Variants in VLDLR observed in about 807,000 individuals in gnomAD.
VLDLR encodes very low-density lipoprotein receptor.
A neutral mutation model predicts 112.7 loss-of-function variants in VLDLR; 81 were observed. That is an observed-to-expected ratio of 0.72 (90% CI 0.60 to 0.86). The LOEUF (loss-of-function observed/expected upper bound fraction) is 0.86. Among genes scored for constraint, VLDLR ranks in the 40% least tolerant of loss-of-function variants. VLDLR has a pLI of 0.00. For synonymous variants in VLDLR, 436 were observed against 384.8 expected, an observed-to-expected ratio of 1.13 and a Z score of -1.56; for missense variants, 1,237 against 1,099.4, an observed-to-expected ratio of 1.13 and a Z score of -1.77.
chr9:2,646,624 A>G (rs1362077293), intron 11 of VLDLR, 72 bp downstream of exon 11: 1 of 1,352,518 alleles, frequency 7.4e-7, no homozygotes, highest in Non-Finnish European at 1.0e-6. Context: ...TCATACCTGA[A>G]TTAGTACTCA....
chr9:2,650,263 T>C, intron 14 of VLDLR, 107 bp from the exon 15 acceptor site: 1 of 1,411,996 alleles, frequency 7.1e-7, no homozygotes, highest in Non-Finnish European at 9.9e-7. Context: ...AGTAGACAAG[T>C]TTAAGCTCTT....
At chr9:2,641,076 C>G (rs1817800103) in intron 3 of VLDLR, among the ~76,000 whole-genome samples, 1 of 152,164 alleles carries the variant, frequency 6.6e-6, no homozygotes, top group Non-Finnish European at 1.5e-5. Flanking sequence ...GGTCTAGGAG[C>G]AGGCCAGCCA....
At position 2,658,526 on chromosome 9, in the gene VLDLR, A is replaced by G. The variant is rs1028071863; in HGVS notation, c.*4658A>G. 2 of 152,186 alleles carry G rather than the reference A, an allele frequency of 1.3e-5. No homozygotes were observed. Among genetic ancestry groups the G allele is most frequent in the African/African-American group, 4.8e-5 (2 of 41,444 alleles). The allele number at this position is 152,186 out of a possible 1,614,324, so 9.4% of individuals were successfully genotyped here. On this transcript the variant is annotated 3_prime_UTR_variant, in exon 19 of 19. Coordinates refer to ENST00000382100, the MANE Select transcript of VLDLR (RefSeq NM_003383.5). ...CAAGGAAAAAGTCAGATGGGTGACA[A>G]GGTGGTTCTGTTTAGAAGCAGCAGG...
intron 7 of VLDLR, 130 bp from the exon 8 acceptor site, chr9:2,644,604 A>T (rs897828132): frequency 2.6e-6 from 3 of 1,149,294 alleles, no homozygotes; most frequent in Non-Finnish European, 3.8e-6. Flanking sequence ...AAAATAAATG[A>T]TTAGGTCTTA....
chr9:2,650,151 G>A (rs1818256810), intron 14 of VLDLR, among the ~76,000 whole-genome samples: 1 of 152,114 alleles, frequency 6.6e-6, no homozygotes, highest in Non-Finnish European at 1.5e-5. Context: ...AACTTTTACA[G>A]TCTATCTCGA....
intron 2 of VLDLR, among the ~76,000 whole-genome samples, chr9:2,638,168 T>A (rs1817678146): frequency 6.6e-6 from 1 of 152,190 alleles, no homozygotes. Context: ...TTTCAGTGAT[T>A]TTAGAAACAG....
chr9:2,627,443 T>A (rs1354205284), intron 1 of VLDLR, among the ~76,000 whole-genome samples: 1 of 152,186 alleles, frequency 6.6e-6, no homozygotes, highest in Admixed American at 6.5e-5. Context: ...CTTTACCAGT[T>A]AGCCGCTGCT....
At chr9:2,632,601 C>T (rs963181964) in intron 1 of VLDLR, among the ~76,000 whole-genome samples, 1 of 152,188 alleles carries the variant, frequency 6.6e-6, no homozygotes, top group African/African-American at 2.4e-5. Flanking sequence ...AACCAAAAGC[C>T]TCTTAACTCA....
chr9:2,622,680 G>A (rs1171576939), intron 1 of VLDLR, among the ~76,000 whole-genome samples: 1 of 152,230 alleles, frequency 6.6e-6, no homozygotes, highest in Non-Finnish European at 1.5e-5. Context: ...GCAGCCTCGG[G>A]CGCACCCTCG....
intron 13 of VLDLR, 60 bp from the exon 14 acceptor site, chr9:2,648,609 C>A (rs759051178): frequency 8.7e-6 from 14 of 1,612,024 alleles, no homozygotes; most frequent in Non-Finnish European, 1.2e-5. Flanking sequence ...TGATGATGAC[C>A]TTAGAAATGG....
chr9:2,629,238 C>T (rs925248013), intron 1 of VLDLR, among the ~76,000 whole-genome samples: 15 of 152,234 alleles, frequency 9.9e-5, no homozygotes, highest in African/African-American at 3.4e-4. Context: ...TTACCACTCA[C>T]AGAAGCTAAC....
chr9:2,639,936 G>A lies in VLDLR; in HGVS notation c.280G>A (p.Asp94Asn), dbSNP rs762694893. The stretch of plus-strand genomic sequence containing the variant: ...TCCCAGCCGATGGAAGTGTGATGGA[G>A]ATCCTGACTGCGAAGATGGTTCAGA... ...CVPSRWKCDGDPDCEDGSDES... is the reference protein window; with the variant it reads ...CVPSRWKCDGNPDCEDGSDES... Residue 94 changes from aspartate (D) to asparagine (N), a missense_variant, in exon 3 of 19, where the codon GAT (aspartate) becomes AAT (asparagine). Coordinates refer to ENST00000382100, the MANE Select transcript of VLDLR (RefSeq NM_003383.5). 2.5e-6 allele frequency: 4 copies of A among 1,614,122 alleles called. No homozygotes were observed. Among genetic ancestry groups the A allele is most frequent in the Non-Finnish European group, 3.4e-6 (4 of 1,180,050 alleles).
intron 3 of VLDLR, 44 bp downstream of exon 3, chr9:2,640,025 G>C: frequency 6.2e-7 from 1 of 1,613,862 alleles, no homozygotes; most frequent in Non-Finnish European, 8.5e-7. Flanking sequence ...CAAGTTGTTC[G>C]GTGTCTAACA....
rs1818599393 is a variant in VLDLR at position 2,656,234 on chromosome 9, T to C, written c.*2366T>C. On this transcript the variant is annotated 3_prime_UTR_variant, in exon 19 of 19. Coordinates refer to ENST00000382100, the MANE Select transcript of VLDLR (RefSeq NM_003383.5). ...TAAGAAGCCAAGGTACAACTCATTG[T>C]ACCTACGAGGTACAAACTCATTTGT... The C allele has an allele frequency of 6.6e-6, 1 of 152,158 alleles. No individual in the cohort carries two copies. Among genetic ancestry groups the C allele is most frequent in the Admixed American group, 6.5e-5 (1 of 15,282 alleles). 9.4% of individuals were successfully genotyped at this position (152,158 alleles called of 1,614,324 possible).
At position 2,650,500 on chromosome 9, in the gene VLDLR, T is replaced by C; in HGVS notation, c.2235T>C (p.Asn745=). The part of the protein sequence containing the change: ...SCPSGYNVEE[N]GRDCQSTATT... Reference sequence around the variant, plus strand: ...CCAGTGGGTACAATGTAGAGGAAAATGGCCGAGACTGTCAAAGTAAGGCAT... The same window carrying C: ...CCAGTGGGTACAATGTAGAGGAAAACGGCCGAGACTGTCAAAGTAAGGCAT... The change falls in exon 15 of 19, where the codon AAT becomes AAC. Residue 745 remains asparagine, a synonymous_variant. Transcript: ENST00000382100. 1 of 1,613,764 alleles carries C rather than the reference T, an allele frequency of 6.2e-7. No individual in the cohort carries two copies. The highest frequency in any genetic ancestry group is 8.5e-7 in the Non-Finnish European group (1 of 1,179,986).
In VLDLR at chr9:2,650,474, C is replaced by T. The variant is rs138053412; in HGVS notation, c.2209C>T (p.Pro737Ser). Residue 737 changes from proline (P) to serine (S), a missense_variant, in exon 15 of 19, where the codon CCC becomes TCC. Pro to Ser is a moderately conservative substitution (Grantham distance 74). Coordinates refer to ENST00000382100, the MANE Select transcript of VLDLR (RefSeq NM_003383.5). The part of the protein sequence containing the change: ...DHSPKYTCSC[P>S]SGYNVEENGR... ...CTCTCCAAAATATACCTGTTCCTGT[C>T]CCAGTGGGTACAATGTAGAGGAAAA... 1.5e-5 allele frequency: 24 copies of T among 1,613,882 alleles called. No individual in the cohort carries two copies. The highest frequency in any genetic ancestry group is 1.9e-5 in the Non-Finnish European group (23 of 1,180,012).
chr9:2,654,460 A>C lies in VLDLR; in HGVS notation c.*592A>C. The C allele has an allele frequency of 1.3e-5, 2 of 157,584 alleles. No homozygotes were observed. Among genetic ancestry groups the C allele is most frequent in the East Asian group, 3.7e-4 (2 of 5,362 alleles). The allele number at this position is 157,584 out of a possible 1,614,324, so 9.8% of individuals were successfully genotyped here. A position where few individuals can be genotyped will look rare whatever the true frequency, so the allele number is the denominator to read the frequency against. On this transcript the variant is annotated 3_prime_UTR_variant, in exon 19 of 19. Coordinates refer to ENST00000382100, the MANE Select transcript of VLDLR (RefSeq NM_003383.5). ...TGTACATTTTTTTTCAAGTGCTAAA[A>C]AATTAAACCAAGCAGCTTAACCATG...
intron 1 of VLDLR, chr9:2,622,474 GT>G (rs1276486127): frequency 2.1e-6 from 1 of 473,302 alleles, no homozygotes; most frequent in African/African-American, 2.0e-5. Context: ...GAACAGCGGG[GT>G]TCGGGGTGCC....
At chr9:2,638,194 T>C (rs528146084) in intron 2 of VLDLR, among the ~76,000 whole-genome samples, 1 of 152,334 alleles carries the variant, frequency 6.6e-6, no homozygotes, top group African/African-American at 2.4e-5. Context: ...AATCTAAAGC[T>C]AGCATGGCCA....
Sources: allele counts gnomAD v4.1 joint callset (sites outside exome capture counted in the v4.1 genomes callset), GRCh38; gene constraint gnomAD v4.1.1; transcripts MANE v1.5; gene names NCBI Gene and HGNC (gene_info 2026-07-23, HGNC 2026-07-21).